The following RERE variants were observed in gnomAD, a reference collection of about 807,000 sequenced individuals.
RERE encodes the protein arginine-glutamic acid dipeptide repeats, also known as arginine-glutamic acid dipeptide repeats protein.
In RERE, 40 loss-of-function variants were observed where a neutral mutation model predicts 146.1. The observed-to-expected ratio is 0.27, with a 90% confidence interval of 0.21 to 0.36. The LOEUF is 0.36. Ranked by LOEUF, RERE falls within the 10% of genes least tolerant of loss-of-function variation. RERE has a pLI of 1.00. For synonymous variants in RERE, 1,003 were observed against 866.0 expected, an observed-to-expected ratio of 1.16 and a Z score of -2.78; for missense variants, 1,933 against 2,138.7, an observed-to-expected ratio of 0.90 and a Z score of 1.90.
intron 1 of RERE, among the ~76,000 whole-genome samples, chr1:8,751,777 T>TAA (rs144355478): frequency 4.9e-5 from 7 of 141,462 alleles, no homozygotes; most frequent in African/African-American, 1.3e-4. Context: ...CCTTTCACTT[T>TAA]AAAAAAAAAA....
intron 11 of RERE, among the ~76,000 whole-genome samples, chr1:8,448,831 ACAAT>A (rs1288802483): frequency 1.3e-5 from 2 of 152,050 alleles, no homozygotes; most frequent in Non-Finnish European, 2.9e-5. Flanking sequence ...TCCATCTCAA[ACAAT>A]CAATCAAACA....
At chr1:8,712,827 C>T (rs910918630) in intron 1 of RERE, among the ~76,000 whole-genome samples, 2 of 151,426 alleles carry the variant, frequency 1.3e-5, no homozygotes, top group African/African-American at 4.9e-5. Context: ...GATGTAACCA[C>T]AGCTATATTG....
intron 8 of RERE, among the ~76,000 whole-genome samples, chr1:8,500,818 C>T (rs1346125539): frequency 1.3e-5 from 2 of 151,710 alleles, no homozygotes; most frequent in East Asian, 1.9e-4. Context: ...GCCTCTGCCC[C>T]GCCGCCCTGT....
chr1:8,458,951 T>C (rs1017601891), intron 11 of RERE, among the ~76,000 whole-genome samples: 2 of 152,268 alleles, frequency 1.3e-5, no homozygotes, highest in Non-Finnish European at 2.9e-5. Context: ...GTTTTAAAAA[T>C]ACATTTCTCT....
chr1:8,366,759 T>C (rs1355186483), intron 12 of RERE, among the ~76,000 whole-genome samples: 3 of 152,156 alleles, frequency 2.0e-5, no homozygotes, highest in African/African-American at 2.4e-5. Flanking sequence ...AGATACCTTT[T>C]TGGAAATATA....
intron 12 of RERE, among the ~76,000 whole-genome samples, chr1:8,403,827 T>C (rs1643352587): frequency 1.5e-5 from 1 of 68,786 alleles, no homozygotes; most frequent in African/African-American, 7.7e-5. Context: ...AATCTTAGCT[T>C]TTTTTTTTTT....
chr1:8,441,530 G>A lies in RERE; in HGVS notation c.1204-18723C>T, dbSNP rs532778151. Among the ~76,000 whole-genome samples the A allele has an allele frequency of 9.8e-5, 15 of 152,332 alleles. No individual in the cohort carries two copies. The East Asian group carries it at 2.9e-3, about 29-fold the overall frequency. ...GTGCCTAGCTCTGAGGTCAGGATGA[G>A]AAAGACTCCACAAGTCAGACATTTT... On this transcript the variant is annotated intron_variant, in intron 11 of 22. Transcript: ENST00000400908.
intron 10 of RERE, among the ~76,000 whole-genome samples, chr1:8,469,665 C>A (rs190697301): frequency 5.3e-5 from 8 of 152,184 alleles, no homozygotes; most frequent in Admixed American, 2.6e-4. Context: ...ATCTTATGTG[C>A]CTGCTACCAG....
intron 1 of RERE, among the ~76,000 whole-genome samples, chr1:8,764,193 T>A (rs1361218924): frequency 6.6e-6 from 1 of 152,034 alleles, no homozygotes; most frequent in Non-Finnish European, 1.5e-5. Flanking sequence ...AGCTGCTCCT[T>A]ATGCACTCAG....
intron 1 of RERE, among the ~76,000 whole-genome samples, chr1:8,657,334 GA>G (rs1461803947): frequency 6.9e-6 from 1 of 144,674 alleles, no homozygotes; most frequent in South Asian, 2.2e-4. Flanking sequence ...AAGAAGAAAA[GA>G]AAAAAAAGTC....
intron 4 of RERE, among the ~76,000 whole-genome samples, chr1:8,608,946 T>C (rs561116680): frequency 6.6e-6 from 1 of 151,842 alleles, no homozygotes; most frequent in East Asian, 1.9e-4. Flanking sequence ...AGGCCAGGCA[T>C]GGTGGCTCAT....
At chr1:8,653,049 C>A (rs1388827232) in intron 2 of RERE, among the ~76,000 whole-genome samples, 1 of 152,164 alleles carries the variant, frequency 6.6e-6, no homozygotes, top group Non-Finnish European at 1.5e-5. Flanking sequence ...GGGAGATACT[C>A]AGCAGAAACA....
chr1:8,471,208 G>A (rs1253192605), intron 10 of RERE, among the ~76,000 whole-genome samples: 1 of 152,182 alleles, frequency 6.6e-6, no homozygotes, highest in Non-Finnish European at 1.5e-5. Flanking sequence ...AACATTTGGG[G>A]AAAATTACTG....
At chr1:8,758,607 C>T (rs141351723) in intron 1 of RERE, among the ~76,000 whole-genome samples, 8 of 151,912 alleles carry the variant, frequency 5.3e-5, no homozygotes, top group African/African-American at 1.9e-4. Context: ...AAGCTGGTCT[C>T]GAATTCCTAG....
intron 1 of RERE, among the ~76,000 whole-genome samples, chr1:8,691,189 C>CCCGG (rs2124418118): frequency 6.6e-6 from 1 of 152,252 alleles, no homozygotes; most frequent in African/African-American, 2.4e-5. Flanking sequence ...AGCCACCGTG[C>CCCGG]CCGGCCGGCC....
chr1:8,626,621 A>G (rs1646976182), intron 2 of RERE, among the ~76,000 whole-genome samples: 2 of 152,322 alleles, frequency 1.3e-5, no homozygotes, highest in African/African-American at 2.4e-5. Context: ...CAGCCCAGAG[A>G]TAACGTCCCC....
At chr1:8,508,492 A>G (rs1645286956) in intron 8 of RERE, 135 bp downstream of exon 8, 5 of 666,940 alleles carry the variant, frequency 7.5e-6, no homozygotes, top group East Asian at 2.7e-5. Flanking sequence ...AGGAGGGTGG[A>G]AAAAAAACCT....
At chr1:8,749,962 G>C (rs889995944) in intron 1 of RERE, among the ~76,000 whole-genome samples, 4 of 152,018 alleles carry the variant, frequency 2.6e-5, no homozygotes. Context: ...GACCAAGCTG[G>C]CCCACACAGC....
intron 10 of RERE, among the ~76,000 whole-genome samples, chr1:8,468,518 T>C (rs1246484603): frequency 6.6e-6 from 1 of 152,216 alleles, no homozygotes; most frequent in Non-Finnish European, 1.5e-5. Flanking sequence ...GATCAAATCA[T>C]AAATTTTTAA....
Sources: allele counts gnomAD v4.1 joint callset (sites outside exome capture counted in the v4.1 genomes callset), GRCh38; gene constraint gnomAD v4.1.1; transcripts MANE v1.5; gene names NCBI Gene and HGNC (gene_info 2026-07-23, HGNC 2026-07-21).